Variants in PSMF1 observed in about 807,000 individuals in gnomAD.
The protein encoded by PSMF1 is proteasome inhibitor subunit 1.
In PSMF1, 30 loss-of-function variants were observed where a neutral mutation model predicts 29.3. The observed-to-expected ratio is 1.02, with a 90% CI of 0.77 to 1.39. The LOEUF (loss-of-function observed/expected upper bound fraction) is 1.39, where lower values mean the gene tolerates loss of function less well. Among genes scored for constraint, PSMF1 ranks in the 40% most tolerant of loss-of-function variants. The pLI is 0.00. For synonymous variants in PSMF1, 134 were observed against 139.7 expected, an observed-to-expected ratio of 0.96 and a Z score of 0.29; for missense variants, 344 against 357.5, an observed-to-expected ratio of 0.96 and a Z score of 0.31.
intron 1 of PSMF1, among the ~76,000 whole-genome samples, chr20:1,119,111 A>C (rs1600136300): frequency 6.6e-6 from 1 of 152,122 alleles, no homozygotes; most frequent in African/African-American, 2.4e-5. Flanking sequence ...CTGGCACAAC[A>C]TGATTTGTAA....
chr20:1,153,722 C>A (rs1237710731), intron 4 of PSMF1, among the ~76,000 whole-genome samples: 1 of 152,122 alleles, frequency 6.6e-6, no homozygotes, highest in Non-Finnish European at 1.5e-5. Flanking sequence ...AGAGTCTTAA[C>A]CCGTTACTAC....
intron 3 of PSMF1, chr20:1,134,882 A>C: frequency 3.4e-6 from 2 of 590,176 alleles, no homozygotes; most frequent in Non-Finnish European, 3.1e-6. Context: ...ATGGGGTGGT[A>C]AACAAGGAGG....
In PSMF1 at chr20:1,165,548, G is replaced by A. The variant is rs1273510686; in HGVS notation, c.*468G>A. 1.8e-5 allele frequency: 18 copies of A among 997,580 alleles called. No homozygotes were observed. The highest frequency in any genetic ancestry group is 2.1e-5 in the Non-Finnish European group (18 of 837,486). 61.8% of individuals were successfully genotyped at this position (997,580 alleles called of 1,614,324 possible). On this transcript the variant is annotated 3_prime_UTR_variant, in exon 7 of 7. Transcript: ENST00000335877. ...GACTTTAGAGTTTGAGTTTCTGTAG[G>A]GCTGAATGACTCTTTTTCCTGCCCA... is the stretch of plus-strand genomic sequence containing the variant.
intron 4 of PSMF1, chr20:1,161,093 A>G (rs2086661546): frequency 2.1e-6 from 1 of 473,748 alleles, no homozygotes; most frequent in Non-Finnish European, 3.5e-6. Context: ...TGCCCTCCCC[A>G]CGCCATCCTG....
intron 3 of PSMF1, among the ~76,000 whole-genome samples, chr20:1,133,569 A>ATATATATATTTTTTTTTTTTTT: frequency 1.3e-4 from 7 of 53,296 alleles, no homozygotes; most frequent in Non-Finnish European, 2.3e-4. Flanking sequence ...ATATATATAT[A>ATATATATATTTTTTTTTTTTTT]TTTTTTTTTT....
At position 1,171,272 on chromosome 20, in the gene PSMF1, TC is replaced by T. The variant is rs1260969093; in HGVS notation, c.*6194del. Among the ~76,000 whole-genome samples, 1 of 151,956 alleles carries T rather than the reference TC, an allele frequency of 6.6e-6. No homozygotes were observed. Among genetic ancestry groups the T allele is most frequent in the Non-Finnish European group, 1.5e-5 (1 of 68,008 alleles). On this transcript the variant is annotated 3_prime_UTR_variant, in exon 7 of 7. Transcript: ENST00000335877. ...AGCATCTGAAACCACCTGCACAACC[TC>T]CATTCCACAGAGGAAGAAACAGGCT...
At chr20:1,143,649 T>C (rs2086411536) in intron 4 of PSMF1, among the ~76,000 whole-genome samples, 1 of 152,226 alleles carries the variant, frequency 6.6e-6, no homozygotes, top group Non-Finnish European at 1.5e-5. Context: ...TTTAAAACTT[T>C]TGCTCTGTGA....
intron 4 of PSMF1, among the ~76,000 whole-genome samples, chr20:1,154,624 G>A (rs950940152): frequency 2.0e-5 from 3 of 152,196 alleles, no homozygotes; most frequent in Non-Finnish European, 4.4e-5. Context: ...AATCAGCAGT[G>A]TCAGCTTACC....
At position 1,166,403 on chromosome 20, in the gene PSMF1, A is replaced by G; in HGVS notation, c.*1323A>G. On this transcript the variant is annotated 3_prime_UTR_variant, in exon 7 of 7. Coordinates refer to ENST00000335877, the MANE Select transcript of PSMF1 (RefSeq NM_006814.5). ...CAGCTCCCTGGATTCCTTCCCCTAA[A>G]TTAGGACCTATTATTTACCTGTAGG... is the stretch of plus-strand genomic sequence containing the variant. The G allele has an allele frequency of 5.8e-6, 5 of 860,634 alleles. No individual in the cohort carries two copies. The allele number at this position is 860,634 out of a possible 1,614,324, so 53.3% of individuals were successfully genotyped here. A position where few individuals can be genotyped will look rare whatever the true frequency, so the allele number is the denominator to read the frequency against.
chr20:1,142,884 C>T (rs1184552496), intron 4 of PSMF1, among the ~76,000 whole-genome samples: 2 of 152,202 alleles, frequency 1.3e-5, no homozygotes, highest in African/African-American at 4.8e-5. Context: ...TACAGTCCCA[C>T]CAACAGTGTA....
At chr20:1,148,449 T>G (rs1217511083) in intron 4 of PSMF1, among the ~76,000 whole-genome samples, 1 of 152,246 alleles carries the variant, frequency 6.6e-6, no homozygotes, top group Non-Finnish European at 1.5e-5. Flanking sequence ...AAAAACAGTT[T>G]TTTCTATGCT....
intron 4 of PSMF1, among the ~76,000 whole-genome samples, chr20:1,152,695 C>G (rs962015094): frequency 2.8e-4 from 42 of 152,088 alleles, no homozygotes; most frequent in Non-Finnish European, 1.5e-5. Flanking sequence ...ACACAGGCAG[C>G]CAGGCAAGAA....
chr20:1,135,024 A>C (rs1223462339), intron 3 of PSMF1, 97 bp from the exon 4 acceptor site: 1 of 1,260,404 alleles, frequency 7.9e-7, no homozygotes, highest in African/African-American at 1.5e-5. Context: ...GCCAGGAGCT[A>C]TCAGGGCCGC....
At position 1,118,824 on chromosome 20, in the gene PSMF1, C is replaced by T; in HGVS notation, c.51C>T (p.Cys17=). 6.2e-7 allele frequency: 1 copy of T among 1,613,758 alleles called. No homozygotes were observed. The highest frequency in any genetic ancestry group is 1.3e-5 in the African/African-American group (1 of 75,074). Residue 17 remains cysteine (C), a synonymous_variant, in exon 1 of 7, where the codon TGC becomes TGT. Coordinates refer to ENST00000335877, the MANE Select transcript of PSMF1 (RefSeq NM_006814.5). ...CATCGGCAGCGCCGGCCATCACCTG[C>T]AGGCAGGACGCGCTCGTCTGCTTCT... The part of the protein sequence containing the change: ...LFASAAPAIT[C]RQDALVCFLH...
At chr20:1,133,549 A>G (rs1285799188) in intron 3 of PSMF1, among the ~76,000 whole-genome samples, 2 of 63,162 alleles carry the variant, frequency 3.2e-5, no homozygotes, top group African/African-American at 5.9e-5. Context: ...ACTAGTCTAT[A>G]TATGTGTATA....
At chr20:1,123,245 G>A (rs1278212784) in intron 1 of PSMF1, among the ~76,000 whole-genome samples, 2 of 152,150 alleles carry the variant, frequency 1.3e-5, no homozygotes, top group Admixed American at 6.5e-5. Context: ...CAGGGGTGAC[G>A]AAACAGGAGA....
chr20:1,136,087 G>A (rs1430599668), intron 4 of PSMF1, among the ~76,000 whole-genome samples: 1 of 152,164 alleles, frequency 6.6e-6, no homozygotes, highest in Non-Finnish European at 1.5e-5. Flanking sequence ...GCTAAAAATG[G>A]GAAATCAGTT....
intron 2 of PSMF1, among the ~76,000 whole-genome samples, chr20:1,126,484 C>A (rs2122471180): frequency 6.6e-6 from 1 of 152,116 alleles, no homozygotes; most frequent in East Asian, 1.9e-4. Flanking sequence ...TATTCCTTTC[C>A]CTTTTGATGA....
chr20:1,118,000 G>A (rs1403911994), upstream of PSMF1: 1 of 152,178 alleles, frequency 6.6e-6, no homozygotes, highest in African/African-American at 2.4e-5. Context: ...TGCAAAATGG[G>A]GATAATAACG....
Sources: gnomAD v4.1 joint callset for allele counts (sites outside exome capture counted in the v4.1 genomes callset) on GRCh38, gnomAD v4.1.1 for gene constraint, MANE v1.5 for transcripts, NCBI Gene and HGNC (gene_info 2026-07-23, HGNC 2026-07-21) for gene names.